The following PDE4D variants were observed in gnomAD, a reference collection of about 807,000 sequenced individuals.
PDE4D encodes the protein phosphodiesterase 4D.
Under a neutral mutation model 87.4 loss-of-function variants are expected in PDE4D, and 24 were observed. The observed-to-expected ratio is 0.27, with a 90% CI of 0.20 to 0.39. PDE4D has a LOEUF of 0.39. PDE4D is among the 10% of genes least tolerant of loss of function. PDE4D has a pLI of 1.00. For missense variants in PDE4D, 714 were observed against 1,041.0 expected (o/e 0.69, Z 4.32); for synonymous variants, 384 against 383.2 (o/e 1.00, Z -0.02).
rs151205845 is a variant in PDE4D at position 59,671,017 on chromosome 5, A to T, written c.455+222151T>A. Among the ~76,000 whole-genome samples, 47 of 152,258 alleles carry T rather than the reference A, an allele frequency of 3.1e-4. No homozygotes were observed. The East Asian group carries it at 6.8e-3, about 22-fold the overall frequency. ...ATATACACACAACATATACCCACAC[A>T]CTTTCAACACACATTTTCATTATAC... is the stretch of plus-strand genomic sequence containing the variant. On this transcript the variant is annotated intron_variant, in intron 1 of 14. Coordinates refer to ENST00000340635, the MANE Select transcript of PDE4D (RefSeq NM_001104631.2).
chr5:59,620,405 G>A (rs1268809957), intron 1 of PDE4D, among the ~76,000 whole-genome samples: 1 of 152,124 alleles, frequency 6.6e-6, no homozygotes, highest in Non-Finnish European at 1.5e-5. Context: ...AAGACTATTA[G>A]GTCTTTAACG....
chr5:60,201,503 T>G (rs1741900604), intron 1 of PDE4D, among the ~76,000 whole-genome samples: 1 of 152,156 alleles, frequency 6.6e-6, no homozygotes, highest in African/African-American at 2.4e-5. Context: ...TCCAATTACA[T>G]GCAGTTCCGA....
At chr5:59,910,080 C>T (rs765751950) in intron 3 of PDE4D, among the ~76,000 whole-genome samples, 1 of 152,164 alleles carries the variant, frequency 6.6e-6, no homozygotes, top group Non-Finnish European at 1.5e-5. Flanking sequence ...TGCTGCCTTC[C>T]TCGATCTTTC....
chr5:58,996,727 A>T (rs1032403363), intron 6 of PDE4D, among the ~76,000 whole-genome samples: 7 of 152,230 alleles, frequency 4.6e-5, no homozygotes, highest in Admixed American at 3.9e-4. Flanking sequence ...GATATGCTAC[A>T]TATATTATTG....
chr5:59,597,960 G>T (rs938413686), intron 1 of PDE4D, among the ~76,000 whole-genome samples: 1 of 152,012 alleles, frequency 6.6e-6, no homozygotes, highest in Non-Finnish European at 1.5e-5. Flanking sequence ...TCTATAATTG[G>T]CATATTCCAT....
intron 1 of PDE4D, among the ~76,000 whole-genome samples, chr5:59,548,706 AAG>A (rs1314544659): frequency 6.6e-6 from 1 of 152,182 alleles, no homozygotes; most frequent in Non-Finnish European, 1.5e-5. Context: ...CTTATTAAGA[AAG>A]TGATATTTGA....
chr5:59,227,641 A>G (rs948756053), intron 1 of PDE4D, among the ~76,000 whole-genome samples: 2 of 152,224 alleles, frequency 1.3e-5, no homozygotes, highest in African/African-American at 4.8e-5. Context: ...AGTGTATGAA[A>G]AAATGCTCAA....
intron 1 of PDE4D, among the ~76,000 whole-genome samples, chr5:59,496,613 T>C (rs1361964477): frequency 6.6e-6 from 1 of 152,108 alleles, no homozygotes; most frequent in East Asian, 1.9e-4. Flanking sequence ...CTCGGTTCAG[T>C]CGGCCCCTAA....
intron 1 of PDE4D, among the ~76,000 whole-genome samples, chr5:60,316,665 A>G (rs1348789708): frequency 6.6e-6 from 1 of 152,164 alleles, no homozygotes; most frequent in African/African-American, 2.4e-5. Flanking sequence ...ACGTCCCATC[A>G]ATACCTAATT....
chr5:59,719,353 C>T (rs1420606514), intron 1 of PDE4D, among the ~76,000 whole-genome samples: 2 of 152,078 alleles, frequency 1.3e-5, no homozygotes, highest in African/African-American at 4.8e-5. Context: ...TATAGTATTT[C>T]CACGACACAG....
chr5:59,398,093 C>T (rs1421583657), intron 1 of PDE4D, among the ~76,000 whole-genome samples: 51 of 147,910 alleles, frequency 3.4e-4, no homozygotes, highest in African/African-American at 1.2e-3. Context: ...TAATCAATAG[C>T]TTACCAACAA....
intron 3 of PDE4D, among the ~76,000 whole-genome samples, chr5:59,899,188 A>G (rs1156384235): frequency 1.3e-5 from 2 of 152,156 alleles, no homozygotes; most frequent in Non-Finnish European, 2.9e-5. Context: ...GATCAGGATG[A>G]GTCTTTCAGT....
rs1451588772 is a variant in PDE4D, at chr5:60,134,024, T to C, written c.42+51533A>G. Among the ~76,000 whole-genome samples, 6 of 152,316 alleles carry C rather than the reference T, an allele frequency of 3.9e-5. No homozygotes were observed. In the East Asian group the frequency reaches 9.6e-4, roughly 24 times the overall value. ...TAGATACCTTCTTATCTCATTAGAC[T>C]TCTTGCAAGCACTTCAAAATTAAGT... On this transcript the variant is annotated intron_variant, in intron 2 of 16. Coordinates refer to the PDE4D transcript ENST00000502484.
At chr5:59,950,388 T>C (rs904852693) in intron 3 of PDE4D, among the ~76,000 whole-genome samples, 8 of 152,128 alleles carry the variant, frequency 5.3e-5, no homozygotes, top group Non-Finnish European at 2.9e-5. Flanking sequence ...ATAGAATTTA[T>C]ATTTGATAAA....
intron 1 of PDE4D, among the ~76,000 whole-genome samples, chr5:60,439,168 C>T (rs1177456993): frequency 1.3e-5 from 2 of 152,056 alleles, no homozygotes; most frequent in African/African-American, 4.8e-5. Flanking sequence ...TGTTTAAATT[C>T]CCAAAATACC....
At chr5:59,036,953 T>C (rs1039578999) in intron 6 of PDE4D, among the ~76,000 whole-genome samples, 3 of 152,204 alleles carry the variant, frequency 2.0e-5, no homozygotes, top group Admixed American at 2.0e-4. Flanking sequence ...CAACCTCTCC[T>C]ATTAAACCTG....
At chr5:60,266,578 G>A (rs1750237385) in intron 1 of PDE4D, among the ~76,000 whole-genome samples, 1 of 152,170 alleles carries the variant, frequency 6.6e-6, no homozygotes, top group Admixed American at 6.5e-5. Context: ...AATCTGCAAA[G>A]GGCAGGAGAC....
chr5:59,645,321 G>C (rs1465080434), intron 1 of PDE4D, among the ~76,000 whole-genome samples: 2 of 152,116 alleles, frequency 1.3e-5, no homozygotes, highest in Non-Finnish European at 2.9e-5. Flanking sequence ...CGAGGGGTGG[G>C]ATGGCATGCT....
chr5:59,753,453 G>A lies in PDE4D; in HGVS notation c.455+139715C>T, dbSNP rs545866275. Reference sequence around the variant, plus strand: ...GGGCACAGTAAGCTTGGTTTTGTGCGTGTTAAATATAAATTAAGAGTGGAT... The same window carrying A: ...GGGCACAGTAAGCTTGGTTTTGTGCATGTTAAATATAAATTAAGAGTGGAT... On this transcript the variant is annotated intron_variant, in intron 1 of 14. Coordinates refer to ENST00000340635, the MANE Select transcript of PDE4D (RefSeq NM_001104631.2). Among the ~76,000 whole-genome samples the A allele has an allele frequency of 7.9e-5, 12 of 152,090 alleles. No homozygotes were observed. In the East Asian group the frequency reaches 9.6e-4, roughly 12 times the overall value.
Sources: gnomAD v4.1 joint callset for allele counts (sites outside exome capture counted in the v4.1 genomes callset) on GRCh38, gnomAD v4.1.1 for gene constraint, MANE v1.5 for transcripts, NCBI Gene and HGNC (gene_info 2026-07-23, HGNC 2026-07-21) for gene names.